Variants in TTN observed in about 807,000 individuals in gnomAD.
The protein encoded by TTN is titin.
Under a neutral mutation model 3,223.0 loss-of-function variants are expected in TTN, and 1,525 were observed. The observed-to-expected ratio is 0.47, with a 90% CI of 0.45 to 0.49. The LOEUF (loss-of-function observed/expected upper bound fraction) is 0.49, where lower values mean the gene tolerates loss of function less well. Among genes scored for constraint, TTN ranks in the 20% least tolerant of loss-of-function variants. TTN has a pLI of 0.00. For missense variants in TTN, 40,786 were observed against 43,424.0 expected, an observed-to-expected ratio of 0.94 and a Z score of 5.40; for synonymous variants, 14,094 against 15,161.0, an observed-to-expected ratio of 0.93 and a Z score of 5.17.
chr2:178,730,679 A>G lies in TTN; in HGVS notation c.17854T>C (p.Trp5952Arg). 6.2e-7 allele frequency: 1 copy of G among 1,613,664 alleles called. No homozygotes were observed. The highest frequency in any genetic ancestry group is 8.5e-7 in the Non-Finnish European group (1 of 1,179,698). ...GATATTTCTTGGTCATCTTTGAACC[A>G]CTGGATGCTTATGGGATGTGACCCA... ...VAGSHPISIQ[W>R]FKDDQEISAS... is the part of the protein sequence containing the mutation. Residue 5952 changes from tryptophan (W) to arginine (R), a missense_variant, in exon 61 of 363, where the codon TGG becomes CGG. Physicochemically the swap from Trp to Arg is moderately radical, Grantham distance 101. Coordinates refer to ENST00000589042, the MANE Select transcript of TTN (RefSeq NM_001267550.2).
chr2:178,532,227 C>G lies in TTN; in HGVS notation c.104388G>C (p.Glu34796Asp). The change falls in exon 358 of 363, where the codon GAG (glutamate) becomes GAC (aspartate). Residue 34796 changes from glutamate (E) to aspartate (D), a missense_variant. Physicochemically the swap from Glu to Asp is conservative, Grantham distance 45 (BLOSUM62 2). Transcript: ENST00000589042. The stretch of plus-strand genomic sequence containing the variant: ...GCCTTGATTTCTTTCTAGACTTTTC[C>G]TCCTTTGACATGAAGTCAAGTTCGC... The part of the protein sequence containing the change: ...YKSELDFMSK[E>D]EKSRKKSRRQ... The G allele has an allele frequency of 6.2e-7, 1 of 1,613,544 alleles. No homozygotes were observed. Among genetic ancestry groups the G allele is most frequent in the Non-Finnish European group, 8.5e-7 (1 of 1,179,872 alleles).
chr2:178,773,077 T>C (rs1160131701), intron 33 of TTN, 32 bp downstream of exon 33: 5 of 1,612,910 alleles, frequency 3.1e-6, no homozygotes, highest in Non-Finnish European at 2.5e-6. Context: ...CAATCACTCC[T>C]CGTAAGAATT....
At position 178,613,737 on chromosome 2, in the gene TTN, G is replaced by T. The variant is rs1338722723; in HGVS notation, c.49532+14C>A. 1 of 1,608,710 alleles carries T rather than the reference G, an allele frequency of 6.2e-7. No homozygotes were observed. The highest frequency in any genetic ancestry group is 2.2e-5 in the East Asian group (1 of 44,692). On this transcript the variant is annotated intron_variant, in intron 263 of 362. Transcript: ENST00000589042. ...ACTGCTGTCTTAACATCTTGATGGG[G>T]ATTCTGAGCATACCTGTATGTTGTG...
intron 149 of TTN, 86 bp from the exon 150 acceptor site, chr2:178,675,199 G>A: frequency 1.2e-6 from 1 of 809,990 alleles, no homozygotes; most frequent in Non-Finnish European, 1.9e-6. Flanking sequence ...CAACATAAGA[G>A]AGTAAATATC....
In TTN at chr2:178,793,386, A is replaced by G. The variant is rs1311443895; in HGVS notation, c.1536+18T>C. ...CTGTAAGAACCTCAGTGAATTTAAA[A>G]TACAAACCCATTTTCACCTGCTCAT... On this transcript the variant is annotated intron_variant, in intron 9 of 362. Transcript: ENST00000589042. The G allele has an allele frequency of 6.2e-7, 1 of 1,613,656 alleles. No homozygotes were observed. Among genetic ancestry groups the G allele is most frequent in the Non-Finnish European group, 8.5e-7 (1 of 1,179,800 alleles).
chr2:178,696,392 T>C (rs1208406615), intron 113 of TTN, 123 bp from the exon 114 acceptor site: 1 of 931,910 alleles, frequency 1.1e-6, no homozygotes, highest in Non-Finnish European at 1.5e-6. Context: ...AATTTGTTTT[T>C]TTTTTTTGTA....
chr2:178,633,672 G>A lies in TTN; in HGVS notation c.42687C>T (p.Ala14229=), dbSNP rs775889693. 2.0e-5 allele frequency: 32 copies of A among 1,612,156 alleles called. No individual in the cohort carries two copies. In the Admixed American group the frequency reaches 2.0e-4, roughly 10 times the overall value. The change falls in exon 232 of 363, where the codon GCC becomes GCT. Residue 14229 remains alanine, a synonymous_variant. Transcript: ENST00000589042. ...GTAATTTCACAGTGAAGTAGGGATC[G>A]GCCTCTGTAAAAGACATTTAGCATA... ...SSTAQLKVLE[A]DPYFTVKLHD... is the part of the protein sequence containing the mutation.
intron 111 of TTN, 45 bp from the exon 112 acceptor site, chr2:178,698,959 G>A: frequency 6.8e-7 from 1 of 1,463,820 alleles, no homozygotes; most frequent in Non-Finnish European, 9.0e-7. Flanking sequence ...TATTTCTGGT[G>A]TAAGTAACTA....
At position 178,546,255 on chromosome 2, in the gene TTN, A is replaced by AT. The variant is rs1697077852; in HGVS notation, c.95075dup (p.Asn31692LysfsTer16). 6.2e-7 allele frequency: 1 copy of AT among 1,613,430 alleles called. No homozygotes were observed. Among genetic ancestry groups the AT allele is most frequent in the Non-Finnish European group, 8.5e-7 (1 of 1,179,418 alleles). ...CAGACACGGCCTTGGTCCCGCTGGC[A>AT]TTTTTCACTGTTAAAGTGTATTTTC... On this transcript the variant is annotated frameshift_variant, in exon 342 of 363. Coordinates refer to ENST00000589042, the MANE Select transcript of TTN (RefSeq NM_001267550.2). LOFTEE classifies it high-confidence loss of function.
chr2:178,588,115 C>G lies in TTN; in HGVS notation c.63292G>C (p.Gly21098Arg). The change falls in exon 305 of 363, where the codon GGA (glycine) becomes CGA (arginine). Residue 21098 changes from glycine (G) to arginine (R), a missense_variant. Coordinates refer to ENST00000589042, the MANE Select transcript of TTN (RefSeq NM_001267550.2). ...PVYDGGAPII[G>R]YVVEMRPKIA... ...TTTGGTCTCATTTCCACAACATATC[C>G]AATGATCGGTGCACCACCATCATAG... The G allele has an allele frequency of 6.2e-7, 1 of 1,612,902 alleles. No individual in the cohort carries two copies. Among genetic ancestry groups the G allele is most frequent in the Non-Finnish European group, 8.5e-7 (1 of 1,179,308 alleles).
chr2:178,528,849 A>C lies in TTN; in HGVS notation c.106902T>G (p.Thr35634=), dbSNP rs1236739074. The change falls in exon 360 of 363, where the codon ACT becomes ACG. Residue 35634 remains threonine (T), a synonymous_variant. Transcript: ENST00000589042. ...CGCCATTCAGTACCCATTTCACATC[A>C]GTGGCACCAGCAATGTTGGCTTTTA... The part of the protein sequence containing the change: ...LVLKANIAGA[T]DVKWVLNGVE... 2 of 1,613,886 alleles carry C rather than the reference A, an allele frequency of 1.2e-6. No individual in the cohort carries two copies. The highest frequency in any genetic ancestry group is 2.7e-5 in the African/African-American group (2 of 74,936).
chr2:178,767,603 A>T (rs1161673240), intron 40 of TTN, among the ~76,000 whole-genome samples, 156 bp downstream of exon 40: 1 of 152,192 alleles, frequency 6.6e-6, no homozygotes, highest in Non-Finnish European at 1.5e-5. Flanking sequence ...GACTAAATTG[A>T]GGTCAGCATA....
At chr2:178,643,918 A>G (rs796456060) in intron 218 of TTN, among the ~76,000 whole-genome samples, 3 of 152,114 alleles carry the variant, frequency 2.0e-5, no homozygotes, top group African/African-American at 7.2e-5. Context: ...CTAGACTCTT[A>G]TAATTCATTT....
In TTN at chr2:178,653,177, C is replaced by T. The variant is rs1560119652; in HGVS notation, c.38792-53G>A. On this transcript the variant is annotated intron_variant, in intron 198 of 362. Coordinates refer to ENST00000589042, the MANE Select transcript of TTN (RefSeq NM_001267550.2). ...TTAGGGGTTATGAAGACCACTGGAA[C>T]AAAATGTCTTCAACTGCAAAAGAAT... 19 of 1,607,144 alleles carry T rather than the reference C, an allele frequency of 1.2e-5. No homozygotes were observed. The South Asian group carries it at 1.7e-4, about 14-fold the overall frequency.
Position 178,561,397 on chromosome 2 carries a change from T to C in TTN, c.84735A>G (p.Glu28245=). ...AGIGKCSKSC[E]PVPARDPCDP... Reference sequence around the variant, plus strand: ...CACAAGGATCTCTTGCAGGGACTGGTTCACAAGATTTACTGCATTTACCAA... The same window carrying C: ...CACAAGGATCTCTTGCAGGGACTGGCTCACAAGATTTACTGCATTTACCAA... The change falls in exon 326 of 363, where the codon GAA becomes GAG. Residue 28245 remains glutamate, a synonymous_variant. Transcript: ENST00000589042. The C allele has an allele frequency of 6.2e-7, 1 of 1,613,764 alleles. No homozygotes were observed. The highest frequency in any genetic ancestry group is 8.5e-7 in the Non-Finnish European group (1 of 1,179,778).
Position 178,768,713 on chromosome 2 carries a change from CA to C in TTN, c.9122del (p.Val3041GlyfsTer18). On this transcript the variant is annotated frameshift_variant, in exon 38 of 363. Coordinates refer to ENST00000589042, the MANE Select transcript of TTN (RefSeq NM_001267550.2). LOFTEE classifies it high-confidence loss of function. The part of the protein sequence containing the change: ...HFGDAADYTF[V>X]AGKATSTATL... Reference sequence around the variant, plus strand: ...TGGCTGTTGATGTTGCTTTTCCAGCCACAAAGGTGTAGTCAGCAGCATCCCC... The same window carrying C: ...TGGCTGTTGATGTTGCTTTTCCAGCCCAAAGGTGTAGTCAGCAGCATCCCC... 6.2e-7 allele frequency: 1 copy of C among 1,614,032 alleles called. No individual in the cohort carries two copies. Among genetic ancestry groups the C allele is most frequent in the Non-Finnish European group, 8.5e-7 (1 of 1,180,008 alleles).
At position 178,769,921 on chromosome 2, in the gene TTN, G is replaced by A; in HGVS notation, c.8660C>T (p.Thr2887Ile). 1 of 1,614,090 alleles carries A rather than the reference G, an allele frequency of 6.2e-7. No homozygotes were observed. Among genetic ancestry groups the A allele is most frequent in the Non-Finnish European group, 8.5e-7 (1 of 1,179,988 alleles). The stretch of plus-strand genomic sequence containing the variant: ...CTCAGGCACCTCGATATTTTTCATG[G>A]TTTTTGTAATATGTAATGCTTGGTA... Reference protein sequence around the residue: ...LFVETLHITKTMKNIEVPETK... With the variant: ...LFVETLHITKIMKNIEVPETK... Residue 2887 changes from threonine (T) to isoleucine (I), a missense_variant, in exon 37 of 363, where the codon ACC becomes ATC. Transcript: ENST00000589042.
At chr2:178,624,443 C>T (rs750190949) in intron 242 of TTN, 22 bp downstream of exon 242, 1 of 1,609,790 alleles carries the variant, frequency 6.2e-7, no homozygotes, top group Non-Finnish European at 8.5e-7. Flanking sequence ...AATGAAAAGT[C>T]CTTTGTAAGA....
rs1707917158 is a variant in TTN, at chr2:178,570,794, A to G, written c.75338T>C (p.Met25113Thr). Reference sequence around the variant, plus strand: ...GATTGTGTCTTTGTATTTTGGATCCATACTTATTCGTGGTGGATCTACCTC... The same window carrying G: ...GATTGTGTCTTTGTATTTTGGATCCGTACTTATTCGTGGTGGATCTACCTC... ...RDEVDPPRIS[M>T]DPKYKDTIVV... Residue 25113 changes from methionine to threonine, a missense_variant, in exon 326 of 363, where the codon ATG becomes ACG. Transcript: ENST00000589042. 1.2e-6 allele frequency: 2 copies of G among 1,613,450 alleles called. No homozygotes were observed. The highest frequency in any genetic ancestry group is 1.7e-6 in the Non-Finnish European group (2 of 1,179,630).
Sources: gnomAD v4.1 joint callset for allele counts (sites outside exome capture counted in the v4.1 genomes callset) on GRCh38, gnomAD v4.1.1 for gene constraint, MANE v1.5 for transcripts, NCBI Gene and HGNC (gene_info 2026-07-23, HGNC 2026-07-21) for gene names.